Variants in LMOD1 observed in about 807,000 individuals in gnomAD.
LMOD1 encodes the protein leiomodin-1.
In LMOD1, 8 loss-of-function variants were observed where a neutral mutation model predicts 36.5. The observed-to-expected ratio is 0.22, with a 90% CI of 0.13 to 0.40. The LOEUF is 0.40. Among genes scored for constraint, LMOD1 ranks in the 10% least tolerant of loss-of-function variants. LMOD1 has a pLI of 1.00. For synonymous variants in LMOD1, 284 were observed against 288.7 expected (o/e 0.98, Z 0.17); for missense variants, 630 against 751.1 (o/e 0.84, Z 1.88).
At chr1:201,945,924 C>T (rs1344702394) in intron 1 of LMOD1, among the ~76,000 whole-genome samples, 156 bp downstream of exon 1, 1 of 152,184 alleles carries the variant, frequency 6.6e-6, no homozygotes, top group Non-Finnish European at 1.5e-5. Context: ...AAGAGATTCG[C>T]ACCGCTAGTT....
rs1682215300 is a variant in LMOD1 at position 201,946,483 on chromosome 1, C to T, written c.-143G>A. 2.4e-6 allele frequency: 2 copies of T among 826,902 alleles called. No individual in the cohort carries two copies. The highest frequency in any genetic ancestry group is 1.9e-6 in the Non-Finnish European group (1 of 533,382). The allele number at this position is 826,902 out of a possible 1,614,324, so 51.2% of individuals were successfully genotyped here. On this transcript the variant is annotated 5_prime_UTR_variant, in exon 1 of 3. Transcript: ENST00000367288. ...CGAGGACTGCAGCTCCTTGGCCCTT[C>T]TGTGCTACAGGTGCTGAAGTGTTCA... is the stretch of plus-strand genomic sequence containing the variant.
At chr1:201,943,441 T>G (rs1029251457) in intron 1 of LMOD1, among the ~76,000 whole-genome samples, 1 of 152,188 alleles carries the variant, frequency 6.6e-6, no homozygotes, top group African/African-American at 2.4e-5. Context: ...TCACATGGAG[T>G]GAAGGCCACC....
At chr1:201,932,180 T>C (rs1337153430) in intron 1 of LMOD1, among the ~76,000 whole-genome samples, 3 of 152,024 alleles carry the variant, frequency 2.0e-5, no homozygotes, top group Non-Finnish European at 4.4e-5. Flanking sequence ...CATAGTAACA[T>C]ATAAGTTAAA....
intron 1 of LMOD1, among the ~76,000 whole-genome samples, chr1:201,916,042 T>C (rs1370626693): frequency 6.6e-6 from 1 of 151,918 alleles, no homozygotes; most frequent in African/African-American, 2.4e-5. Flanking sequence ...CTCAGCCTCC[T>C]AGGTAGCTGC....
At chr1:201,943,025 T>C (rs1682145892) in intron 1 of LMOD1, among the ~76,000 whole-genome samples, 1 of 152,244 alleles carries the variant, frequency 6.6e-6, no homozygotes, top group Admixed American at 6.5e-5. Flanking sequence ...TTAGTTTTTC[T>C]AGTTATGTTC....
intron 1 of LMOD1, among the ~76,000 whole-genome samples, chr1:201,904,880 G>A (rs781240775): frequency 3.9e-5 from 6 of 152,176 alleles, no homozygotes; most frequent in South Asian, 2.1e-4. Context: ...CCTCGGAGCC[G>A]GCACATAGCA....
intron 1 of LMOD1, among the ~76,000 whole-genome samples, chr1:201,911,134 G>A (rs1320071385): frequency 1.3e-5 from 2 of 152,184 alleles, no homozygotes; most frequent in African/African-American, 4.8e-5. Flanking sequence ...TGATCATTTG[G>A]CCAGATGCAC....
In LMOD1 at chr1:201,896,803, C is replaced by T. The variant is rs1288540934; in HGVS notation, c.*1569G>A. 2.3e-6 allele frequency: 1 copy of T among 443,958 alleles called. No individual in the cohort carries two copies. Among genetic ancestry groups the T allele is most frequent in the Non-Finnish European group, 4.6e-6 (1 of 219,506 alleles). The allele number at this position is 443,958 out of a possible 1,614,324, so 27.5% of individuals were successfully genotyped here. A position where few individuals can be genotyped will look rare whatever the true frequency, so the allele number is the denominator to read the frequency against. Reference sequence around the variant, plus strand: ...TGGAGGGAATGGAGAAGAGTGTACCCTGGGATCTGAGGGCTTTACCCCCAG... The same window carrying T: ...TGGAGGGAATGGAGAAGAGTGTACCTTGGGATCTGAGGGCTTTACCCCCAG... On this transcript the variant is annotated 3_prime_UTR_variant, in exon 3 of 3. Coordinates refer to ENST00000367288, the MANE Select transcript of LMOD1 (RefSeq NM_012134.3).
chr1:201,910,168 G>A (rs949985158), intron 1 of LMOD1, among the ~76,000 whole-genome samples: 5 of 152,212 alleles, frequency 3.3e-5, no homozygotes, highest in Admixed American at 1.3e-4. Flanking sequence ...AGCAAGAGGA[G>A]GCTTGAGGGA....
At chr1:201,924,093 G>A (rs1325099433) in intron 1 of LMOD1, among the ~76,000 whole-genome samples, 1 of 151,534 alleles carries the variant, frequency 6.6e-6, no homozygotes, top group Non-Finnish European at 1.5e-5. Flanking sequence ...GAGGCGGGCA[G>A]ATCACGAGGT....
intron 1 of LMOD1, among the ~76,000 whole-genome samples, chr1:201,915,623 T>G (rs1681593232): frequency 6.6e-6 from 1 of 152,126 alleles, no homozygotes; most frequent in Non-Finnish European, 1.5e-5. Flanking sequence ...CGCTCTGCAC[T>G]CACTCACCCT....
In LMOD1 at chr1:201,943,993, T is replaced by C. The variant is rs562510045; in HGVS notation, c.261+2087A>G. 8.5e-5 allele frequency among the ~76,000 whole-genome samples: 13 copies of C among 152,268 alleles called. No homozygotes were observed. The East Asian group carries it at 2.3e-3, about 27-fold the overall frequency. ...CTTCTAGGGTTCATTCTCACCCAGATTTACAGAGATGACTTCTGCCCAGGC... is the reference window on the plus strand; with the variant it reads ...CTTCTAGGGTTCATTCTCACCCAGACTTACAGAGATGACTTCTGCCCAGGC... On this transcript the variant is annotated intron_variant, in intron 1 of 2. Coordinates refer to ENST00000367288, the MANE Select transcript of LMOD1 (RefSeq NM_012134.3).
intron 1 of LMOD1, among the ~76,000 whole-genome samples, chr1:201,934,445 G>A (rs756872474): frequency 2.6e-5 from 4 of 152,070 alleles, no homozygotes; most frequent in Admixed American, 6.6e-5. Flanking sequence ...GTGACCCCTC[G>A]ACTGCATTCT....
chr1:201,910,314 C>T (rs1238221309), intron 1 of LMOD1, among the ~76,000 whole-genome samples: 1 of 150,430 alleles, frequency 6.6e-6, no homozygotes, highest in Non-Finnish European at 1.5e-5. Flanking sequence ...CACCCTGTTG[C>T]CTAGGTTGGA....
intron 1 of LMOD1, among the ~76,000 whole-genome samples, chr1:201,923,104 CG>C (rs1331403233): frequency 2.0e-5 from 3 of 152,180 alleles, no homozygotes; most frequent in Admixed American, 6.6e-5. Context: ...GGATTACAGG[CG>C]TGAGCCACTG....
At chr1:201,921,799 A>G (rs1681710287) in intron 1 of LMOD1, among the ~76,000 whole-genome samples, 1 of 151,894 alleles carries the variant, frequency 6.6e-6, no homozygotes, top group South Asian at 2.1e-4. Flanking sequence ...TCTCTACTAA[A>G]AATACAAAAA....
intron 1 of LMOD1, among the ~76,000 whole-genome samples, chr1:201,913,711 A>G: frequency 6.6e-6 from 1 of 152,176 alleles, no homozygotes; most frequent in East Asian, 1.9e-4. Flanking sequence ...TGAGGAAGGT[A>G]TGTGGGCAAG....
At chr1:201,914,935 G>A (rs1033958135) in intron 1 of LMOD1, among the ~76,000 whole-genome samples, 2 of 151,896 alleles carry the variant, frequency 1.3e-5, no homozygotes, top group African/African-American at 4.8e-5. Context: ...CAGCCTTCCC[G>A]TATACCCAAA....
intron 1 of LMOD1, among the ~76,000 whole-genome samples, chr1:201,920,871 A>AAAAT (rs1019310640): frequency 5.3e-5 from 8 of 152,156 alleles, no homozygotes; most frequent in South Asian, 2.1e-4. Context: ...TCTAAAAATA[A>AAAAT]AAATAAATAA....
Sources: gnomAD v4.1 joint callset for allele counts (sites outside exome capture counted in the v4.1 genomes callset) on GRCh38, gnomAD v4.1.1 for gene constraint, MANE v1.5 for transcripts, NCBI Gene and HGNC (gene_info 2026-07-23, HGNC 2026-07-21) for gene names.